Variants in NRG3 observed in about 807,000 individuals in gnomAD.
NRG3 encodes the protein pro-neuregulin-3, membrane-bound isoform.
NRG3 carries 31 observed loss-of-function variants against 66.9 expected under a neutral mutation model. The ratio of observed to expected loss-of-function variants is 0.46; its 90% confidence interval spans 0.35 to 0.63. NRG3 has a LOEUF of 0.63. NRG3 is among the 20% of genes least tolerant of loss of function. The probability of loss-of-function intolerance (pLI) is 0.00; values close to 1 mark genes in which losing one functional copy is unlikely to be tolerated. For missense variants in NRG3, 910 were observed against 878.9 expected (o/e 1.04, Z -0.45); for synonymous variants, 393 against 359.4 (o/e 1.09, Z -1.06).
chr10:82,558,682 G>C (rs927387851), intron 2 of NRG3, among the ~76,000 whole-genome samples: 1 of 152,116 alleles, frequency 6.6e-6, no homozygotes, highest in Non-Finnish European at 1.5e-5. Context: ...CGTCAAATTC[G>C]CATTTCTCTA....
chr10:82,452,587 T>G (rs978659236), intron 2 of NRG3, among the ~76,000 whole-genome samples: 5 of 152,156 alleles, frequency 3.3e-5, no homozygotes, highest in African/African-American at 1.2e-4. Context: ...TTTTACTCAT[T>G]CACTGAGAGA....
intron 1 of NRG3, among the ~76,000 whole-genome samples, chr10:82,187,991 C>G (rs1236571990): frequency 6.6e-6 from 1 of 151,184 alleles, no homozygotes; most frequent in African/African-American, 2.4e-5. Context: ...TATGGAACCA[C>G]AAAAGAGAAT....
intron 2 of NRG3, among the ~76,000 whole-genome samples, chr10:82,423,311 A>T (rs2089207210): frequency 6.6e-6 from 1 of 151,958 alleles, no homozygotes; most frequent in Non-Finnish European, 1.5e-5. Context: ...GCTTAAAATG[A>T]TTTTGTATAT....
chr10:82,303,335 A>AG (rs2080516916), intron 1 of NRG3, among the ~76,000 whole-genome samples: 1 of 139,120 alleles, frequency 7.2e-6, no homozygotes, highest in Non-Finnish European at 1.5e-5. Context: ...GTGCGTGTAT[A>AG]AACACACACA....
intron 6 of NRG3, among the ~76,000 whole-genome samples, chr10:82,963,364 G>T (rs1044507477): frequency 6.6e-6 from 1 of 152,196 alleles, no homozygotes; most frequent in African/African-American, 2.4e-5. Context: ...AAATGAAGAG[G>T]CAGTTCCCAA....
At position 82,633,018 on chromosome 10, in the gene NRG3, C is replaced by G. The variant is rs149901001; in HGVS notation, c.954-105559C>G. ...TTCTCAGGCTTGTTTGACCTTTTCA[C>G]TCTGCCATTGACAGGTTTGTTAACT... On this transcript the variant is annotated intron_variant, in intron 2 of 8. Coordinates refer to ENST00000372141, the MANE Select transcript of NRG3 (RefSeq NM_001010848.4). 3.6e-3 allele frequency among the ~76,000 whole-genome samples: 550 copies of G among 152,302 alleles called. 3 individuals carry two copies. The highest frequency in any genetic ancestry group is 6.3e-3 in the Non-Finnish European group (431 of 68,018).
intron 1 of NRG3, among the ~76,000 whole-genome samples, chr10:82,121,975 C>T (rs531075101): frequency 1.4e-4 from 21 of 152,144 alleles, no homozygotes; most frequent in Non-Finnish European, 2.5e-4. Flanking sequence ...AACAACCCCC[C>T]AACTCCAAGC....
At chr10:82,383,104 T>G (rs1042549748) in intron 2 of NRG3, among the ~76,000 whole-genome samples, 1 of 152,002 alleles carries the variant, frequency 6.6e-6, no homozygotes, top group Non-Finnish European at 1.5e-5. Flanking sequence ...GTAACACTGG[T>G]ATTAAAGTTT....
At chr10:82,185,342 T>C (rs2073737033) in intron 1 of NRG3, among the ~76,000 whole-genome samples, 1 of 152,160 alleles carries the variant, frequency 6.6e-6, no homozygotes. Flanking sequence ...ATTAAGTAAG[T>C]AGTTTTGCTA....
chr10:82,105,445 T>C (rs902678851), intron 1 of NRG3, among the ~76,000 whole-genome samples: 2 of 152,200 alleles, frequency 1.3e-5, no homozygotes, highest in African/African-American at 4.8e-5. Flanking sequence ...ATGTCCTCCC[T>C]GTATCTTCCC....
At chr10:82,292,727 A>G (rs903052901) in intron 1 of NRG3, among the ~76,000 whole-genome samples, 2 of 152,242 alleles carry the variant, frequency 1.3e-5, no homozygotes, top group African/African-American at 4.8e-5. Flanking sequence ...TGCTAAATTT[A>G]TCAAGCCAAT....
intron 8 of NRG3, among the ~76,000 whole-genome samples, chr10:82,982,044 G>T (rs181131095): frequency 3.9e-4 from 60 of 152,274 alleles, no homozygotes; most frequent in African/African-American, 1.3e-3. Flanking sequence ...AAAGAGCTGC[G>T]ATTGAATACT....
intron 6 of NRG3, among the ~76,000 whole-genome samples, chr10:82,964,473 C>G (rs1027709704): frequency 6.6e-6 from 1 of 152,146 alleles, no homozygotes; most frequent in Admixed American, 6.5e-5. Flanking sequence ...AAGAGGGTCT[C>G]TTTTCATATT....
chr10:82,360,079 TGTG>T (rs981365931), intron 2 of NRG3, among the ~76,000 whole-genome samples: 3 of 152,306 alleles, frequency 2.0e-5, no homozygotes, highest in African/African-American at 7.2e-5. Flanking sequence ...ACCCCTGACA[TGTG>T]GTGTTCATAT....
intron 2 of NRG3, among the ~76,000 whole-genome samples, chr10:82,586,809 G>A (rs1442315793): frequency 6.6e-6 from 1 of 151,934 alleles, no homozygotes; most frequent in Non-Finnish European, 1.5e-5. Flanking sequence ...AAATGCTCAG[G>A]CTTGTAGAAT....
intron 2 of NRG3, among the ~76,000 whole-genome samples, chr10:82,497,772 G>C (rs1217017405): frequency 1.3e-5 from 2 of 152,136 alleles, no homozygotes; most frequent in East Asian, 3.9e-4. Flanking sequence ...AAGTGAGATT[G>C]CTGGACAACA....
chr10:82,724,009 A>T (rs868024792), intron 2 of NRG3, among the ~76,000 whole-genome samples: 25 of 149,914 alleles, frequency 1.7e-4, no homozygotes, highest in South Asian at 2.1e-4. Flanking sequence ...AAAAAAATTT[A>T]AAAAATAAAA....
At chr10:82,068,114 T>C (rs1319473083) in intron 1 of NRG3, among the ~76,000 whole-genome samples, 1 of 152,224 alleles carries the variant, frequency 6.6e-6, no homozygotes, top group Non-Finnish European at 1.5e-5. Context: ...TTATAGTTTA[T>C]AAATACTGGG....
At chr10:82,090,995 G>A (rs1294332698) in intron 1 of NRG3, among the ~76,000 whole-genome samples, 4 of 152,048 alleles carry the variant, frequency 2.6e-5, no homozygotes, top group South Asian at 2.1e-4. Context: ...AGACAAAAAC[G>A]TTTTAGAGTC....
Sources: gnomAD v4.1 joint callset for allele counts (sites outside exome capture counted in the v4.1 genomes callset) on GRCh38, gnomAD v4.1.1 for gene constraint, MANE v1.5 for transcripts, NCBI Gene and HGNC (gene_info 2026-07-23, HGNC 2026-07-21) for gene names.